Variants in DNAH1 observed in about 807,000 individuals in gnomAD.
The protein encoded by DNAH1 is axonemal beta dynein heavy chain 1.
Under a neutral mutation model 484.3 loss-of-function variants are expected in DNAH1, and 327 were observed. The ratio of observed to expected loss-of-function variants is 0.68; its 90% confidence interval spans 0.62 to 0.74. DNAH1 has a LOEUF of 0.74. Ranked by LOEUF, DNAH1 falls within the 30% of genes least tolerant of loss-of-function variation. DNAH1 has a pLI of 0.00. For missense variants in DNAH1, 5,052 were observed against 5,546.8 expected (o/e 0.91, Z 2.83); for synonymous variants, 2,192 against 2,191.9 (o/e 1.00, Z 0.00).
Position 52,389,899 on chromosome 3 carries a change from G to A in DNAH1, c.9621+313G>A, listed in dbSNP as rs560082511. On this transcript the variant is annotated intron_variant, in intron 60 of 77. Coordinates refer to ENST00000420323, the MANE Select transcript of DNAH1 (RefSeq NM_015512.5). ...GGCCAAGGTGGGTGGATCACCTGAG[G>A]TCAGGAGTTAGAGACCAGCTTGGCC... Among the ~76,000 whole-genome samples the A allele has an allele frequency of 2.6e-5, 4 of 152,120 alleles. No individual in the cohort carries two copies. In the South Asian group the frequency reaches 8.3e-4, roughly 32 times the overall value.
At chr3:52,341,230 G>T (rs1365502917) in intron 8 of DNAH1, among the ~76,000 whole-genome samples, 1 of 152,168 alleles carries the variant, frequency 6.6e-6, no homozygotes, top group Non-Finnish European at 1.5e-5. Context: ...TGCAGTGTAT[G>T]CTGGCTTCAT....
At chr3:52,370,047 C>T in intron 38 of DNAH1, 28 bp downstream of exon 38, 3 of 1,613,392 alleles carry the variant, frequency 1.9e-6, no homozygotes, top group Non-Finnish European at 2.5e-6. Flanking sequence ...TATGTCTGAC[C>T]CTGGCAGGGC....
intron 44 of DNAH1, chr3:52,373,622 T>G: frequency 6.9e-7 from 1 of 1,446,758 alleles, no homozygotes; most frequent in Non-Finnish European, 9.7e-7. Context: ...CAAGCAGTAA[T>G]AGAGAACTTC....
intron 48 of DNAH1, among the ~76,000 whole-genome samples, chr3:52,380,884 A>G (rs1703814927): frequency 1.3e-5 from 2 of 152,232 alleles, no homozygotes; most frequent in African/African-American, 2.4e-5. Context: ...AGAAAGAAGC[A>G]TTGAATTACA....
At chr3:52,347,494 G>A (rs991253510) in intron 11 of DNAH1, among the ~76,000 whole-genome samples, 5 of 152,222 alleles carry the variant, frequency 3.3e-5, no homozygotes, top group African/African-American at 1.2e-4. Context: ...TTCTTGCTGT[G>A]TAGCGAAGAT....
Position 52,349,983 on chromosome 3 carries a change from T to C in DNAH1, c.2527-6T>C, listed in dbSNP as rs1200006256. 6.2e-7 allele frequency: 1 copy of C among 1,604,760 alleles called. No individual in the cohort carries two copies. The highest frequency in any genetic ancestry group is 8.5e-7 in the Non-Finnish European group (1 of 1,176,068). ...TGCCCTCCCCAGCGCCTCCTCCCACTGCCAGATCTGCGAGGAGTTCCGCAG... is the reference window on the plus strand; with the variant it reads ...TGCCCTCCCCAGCGCCTCCTCCCACCGCCAGATCTGCGAGGAGTTCCGCAG... On this transcript the variant is annotated splice_region_variant and splice_polypyrimidine_tract_variant and intron_variant, in intron 14 of 77. Transcript: ENST00000420323.
At chr3:52,351,834 G>GCCTGGATTTCC in intron 16 of DNAH1, 128 bp from the exon 17 acceptor site, 1 of 1,169,848 alleles carries the variant, frequency 8.5e-7, no homozygotes, top group Non-Finnish European at 1.2e-6. Flanking sequence ...CTCCACAGCT[G>GCCTGGATTTCC]CCTGGATTTC....
At chr3:52,357,800 C>T in intron 23 of DNAH1, 65 bp downstream of exon 23, 2 of 1,573,728 alleles carry the variant, frequency 1.3e-6, no homozygotes, top group African/African-American at 1.3e-5. Context: ...TGTCCAGGGC[C>T]CTGCTCAGGC....
rs1425209885 is a variant in DNAH1 at position 52,369,813 on chromosome 3, T to C, written c.5944-12T>C. ...GCAGCCAGCCCACTCATTTGGTTCG[T>C]CTTGGCACCAGGCAATGACCATGAT... On this transcript the variant is annotated splice_polypyrimidine_tract_variant and intron_variant, in intron 37 of 77. Transcript: ENST00000420323. 6.3e-7 allele frequency: 1 copy of C among 1,598,108 alleles called. No individual in the cohort carries two copies. Among genetic ancestry groups the C allele is most frequent in the Non-Finnish European group, 8.6e-7 (1 of 1,168,630 alleles).
At position 52,332,432 on chromosome 3, in the gene DNAH1, C is replaced by T. The variant is rs575353679; in HGVS notation, c.1286+38C>T. The T allele has an allele frequency of 5.3e-5, 85 of 1,597,310 alleles. No individual in the cohort carries two copies. In the South Asian group the frequency reaches 7.3e-4, roughly 14 times the overall value. ...TCGGCCTTCCCTATTCTGGGCATCA[C>T]CTTCTTCAGGGAACCTTCCCATAGG... On this transcript the variant is annotated intron_variant, in intron 8 of 77. Transcript: ENST00000420323.
In DNAH1 at chr3:52,379,458, GGA is replaced by G. The variant is rs1046429165; in HGVS notation, c.7378-441_7378-440del. On this transcript the variant is annotated intron_variant, in intron 47 of 77. Transcript: ENST00000420323. The surrounding 1 kb of genome is among the most constrained non-coding windows in gnomAD (Gnocchi z 4.4). ...CTGGGACAGAGGCGGCAGCTGAGATGGAGAGAGGGGGCAGGTTCAGAGGAGAT... is the reference window on the plus strand; with the variant it reads ...CTGGGACAGAGGCGGCAGCTGAGATGGAGAGGGGGCAGGTTCAGAGGAGAT... 2.0e-5 allele frequency among the ~76,000 whole-genome samples: 3 copies of G among 152,182 alleles called. No homozygotes were observed. Among genetic ancestry groups the G allele is most frequent in the South Asian group, 2.1e-4 (1 of 4,826 alleles).
chr3:52,374,187 G>A (rs1703482375), intron 44 of DNAH1: 4 of 1,306,398 alleles, frequency 3.1e-6, no homozygotes, highest in Non-Finnish European at 3.3e-6. Context: ...ATATTTTATA[G>A]GTTTATTTAT....
At chr3:52,388,118 CT>C in intron 56 of DNAH1, 48 bp from the exon 57 acceptor site, 1 of 1,575,722 alleles carries the variant, frequency 6.3e-7, no homozygotes, top group Non-Finnish European at 8.6e-7. Flanking sequence ...AGCCCTTCCC[CT>C]GTCACCCTTG....
At chr3:52,315,866 G>A (rs557664644), upstream of DNAH1, among the ~76,000 whole-genome samples, 5 of 152,324 alleles carry the variant, frequency 3.3e-5, no homozygotes, top group Admixed American at 2.6e-4. Context: ...GGAGAACAGG[G>A]ACTGACTCAC....
intron 32 of DNAH1, among the ~76,000 whole-genome samples, chr3:52,363,926 G>A (rs994601480): frequency 1.3e-5 from 2 of 152,078 alleles, no homozygotes; most frequent in African/African-American, 2.4e-5. Context: ...CCTGGGTGCC[G>A]GCGCTCCCAC....
intron 8 of DNAH1, among the ~76,000 whole-genome samples, chr3:52,339,974 G>A (rs1471440866): frequency 6.6e-6 from 1 of 152,050 alleles, no homozygotes; most frequent in African/African-American, 2.4e-5. Context: ...TGTCCCATAA[G>A]TCATATGCCT....
Position 52,396,412 on chromosome 3 carries a change from C to T in DNAH1, c.11304C>T (p.Asn3768=), listed in dbSNP as rs1313958119. Residue 3768 remains asparagine, a synonymous_variant, in exon 71 of 78, where the codon AAC becomes AAT. Transcript: ENST00000420323. ...FRLWLTSLPS[N]KFPVSILQNG... ...TCTGGCTCACCAGCCTGCCCAGCAA[C>T]AAGTTCCCAGTGTCCATCCTGCAGA... The T allele has an allele frequency of 1.3e-6, 2 of 1,590,494 alleles. No homozygotes were observed. Among genetic ancestry groups the T allele is most frequent in the African/African-American group, 1.3e-5 (1 of 74,228 alleles).
At chr3:52,386,125 A>T (rs902919047) in intron 54 of DNAH1, 35 bp from the exon 55 acceptor site, 34 of 1,585,268 alleles carry the variant, frequency 2.1e-5, no homozygotes, top group Non-Finnish European at 2.8e-5. Context: ...AGAAGAGAAA[A>T]GGGGGGAGGA....
At chr3:52,371,549 G>A (rs1703338768) in intron 41 of DNAH1, among the ~76,000 whole-genome samples, 1 of 152,184 alleles carries the variant, frequency 6.6e-6, no homozygotes, top group African/African-American at 2.4e-5. Flanking sequence ...TGACACCAGT[G>A]CCCATGGTTC....
Sources: allele counts gnomAD v4.1 joint callset (sites outside exome capture counted in the v4.1 genomes callset), GRCh38; gene constraint gnomAD v4.1.1; non-coding constraint Gnocchi (gnomAD v3.1); transcripts MANE v1.5; gene names NCBI Gene and HGNC (gene_info 2026-07-23, HGNC 2026-07-21).